DENND1A: variants seen among roughly 807,000 people sequenced by gnomAD.
DENND1A encodes DENN domain-containing protein 1A.
A neutral mutation model predicts 113.7 loss-of-function variants in DENND1A; 51 were observed. The ratio of observed to expected loss-of-function variants is 0.45; its 90% CI spans 0.36 to 0.57. The LOEUF (loss-of-function observed/expected upper bound fraction) is 0.57, where lower values mean the gene tolerates loss of function less well. Among genes scored for constraint, DENND1A ranks in the 20% least tolerant of loss-of-function variants. DENND1A has a pLI of 0.00. For synonymous variants in DENND1A, 565 were observed against 570.8 expected (o/e 0.99, Z 0.14); for missense variants, 1,258 against 1,395.9 (o/e 0.90, Z 1.57).
Position 123,677,125 on chromosome 9 carries a change from G to A in DENND1A, c.303-336C>T, listed in dbSNP as rs150234185. On this transcript the variant is annotated intron_variant, in intron 5 of 23. Coordinates refer to ENST00000394215, the MANE Select transcript of DENND1A (RefSeq NM_001352964.2). Reference sequence around the variant, plus strand: ...CTCCCAGCACACCCACCCTTTCCAGGAAAGCTTCTATTCAGTTTCTCATGA... The same window carrying A: ...CTCCCAGCACACCCACCCTTTCCAGAAAAGCTTCTATTCAGTTTCTCATGA... 6.7e-4 allele frequency among the ~76,000 whole-genome samples: 102 copies of A among 152,180 alleles called. No homozygotes were observed. The East Asian group carries it at 0.019, about 28-fold the overall frequency.
chr9:123,906,281 C>T (rs1339200346), intron 1 of DENND1A, among the ~76,000 whole-genome samples: 6 of 137,280 alleles, frequency 4.4e-5, no homozygotes, highest in Non-Finnish European at 9.0e-5. Context: ...GACACCCTAA[C>T]ATCACAATTA....
chr9:123,882,908 G>C (rs1447247635), intron 1 of DENND1A, among the ~76,000 whole-genome samples: 1 of 152,150 alleles, frequency 6.6e-6, no homozygotes, highest in African/African-American at 2.4e-5. Context: ...AACAGAAAAA[G>C]AAGGTGGCAG....
In DENND1A at chr9:123,738,443, CTGTGTG is replaced by C. The variant is rs59851560; in HGVS notation, c.302+19254_302+19259del. On this transcript the variant is annotated intron_variant, in intron 5 of 23. Coordinates refer to ENST00000394215, the MANE Select transcript of DENND1A (RefSeq NM_001352964.2). ...TGAAAAACTGCCGTGTCAACAGCTT[CTGTGTG>C]TGTGTGTGTGTGTGTGTGTGTGTGT... 3.3e-3 allele frequency among the ~76,000 whole-genome samples: 469 copies of C among 143,432 alleles called. 1 individual carries two copies. The highest frequency in any genetic ancestry group is 6.4e-3 in the South Asian group (28 of 4,380). 94.1% of individuals were successfully genotyped at this position (143,432 alleles called of 152,430 possible).
At chr9:123,871,129 G>C (rs1479064681) in intron 2 of DENND1A, among the ~76,000 whole-genome samples, 4 of 152,028 alleles carry the variant, frequency 2.6e-5, no homozygotes, top group Admixed American at 6.6e-5. Context: ...TGTTGCCTGG[G>C]CTATAGTGCA....
chr9:123,917,596 C>A (rs1855393551), intron 1 of DENND1A, among the ~76,000 whole-genome samples: 1 of 152,056 alleles, frequency 6.6e-6, no homozygotes, highest in Non-Finnish European at 1.5e-5. Context: ...CACACATATT[C>A]CCAAATTCTG....
intron 2 of DENND1A, among the ~76,000 whole-genome samples, chr9:123,799,633 T>A (rs1016751536): frequency 1.3e-5 from 2 of 152,224 alleles, no homozygotes; most frequent in African/African-American, 4.8e-5. Context: ...TTCTGAAGCA[T>A]ATACAATATA....
At chr9:123,676,597 T>G in intron 6 of DENND1A, 123 bp downstream of exon 6, 2 of 827,100 alleles carry the variant, frequency 2.4e-6, no homozygotes. Context: ...TTTTCTGAAT[T>G]TCCCAAAATT....
At chr9:123,605,918 G>A (rs185550390) in intron 11 of DENND1A, among the ~76,000 whole-genome samples, 11 of 152,266 alleles carry the variant, frequency 7.2e-5, no homozygotes, top group African/African-American at 2.6e-4. Context: ...GGCATAATAA[G>A]GTGCCTATAG....
At chr9:123,928,099 G>A (rs1359543603) in intron 1 of DENND1A, among the ~76,000 whole-genome samples, 8 of 152,112 alleles carry the variant, frequency 5.3e-5, no homozygotes, top group African/African-American at 1.7e-4. Flanking sequence ...CTCATTTCAC[G>A]CTTAATACAA....
chr9:123,440,324 A>T, intron 19 of DENND1A, 36 bp downstream of exon 19: 1 of 1,570,738 alleles, frequency 6.4e-7, no homozygotes, highest in South Asian at 1.2e-5. Context: ...ATAAAAAAAA[A>T]ACAAAACAGA....
chr9:123,652,137 G>GCC lies in DENND1A; in HGVS notation c.508-15_508-14insGG. The GCC allele has an allele frequency of 6.2e-7, 1 of 1,608,526 alleles. No homozygotes were observed. The highest frequency in any genetic ancestry group is 8.5e-7 in the Non-Finnish European group (1 of 1,175,078). On this transcript the variant is annotated splice_polypyrimidine_tract_variant and intron_variant, in intron 8 of 23. Coordinates refer to ENST00000394215, the MANE Select transcript of DENND1A (RefSeq NM_001352964.2). ...TGTCAGATTTCTCTAGGAGAAAGAAGAAGGCACGGTTTGTGGCTGATTTTC... is the reference window on the plus strand; with the variant it reads ...TGTCAGATTTCTCTAGGAGAAAGAAGCCAAGGCACGGTTTGTGGCTGATTTTC...
chr9:123,880,902 T>C (rs1436641011), intron 1 of DENND1A, among the ~76,000 whole-genome samples: 1 of 152,182 alleles, frequency 6.6e-6, no homozygotes, highest in Non-Finnish European at 1.5e-5. Context: ...AAATAAAGGC[T>C]TATATTATAA....
intron 13 of DENND1A, among the ~76,000 whole-genome samples, chr9:123,556,881 G>A (rs868213985): frequency 6.6e-6 from 1 of 152,236 alleles, no homozygotes; most frequent in Non-Finnish European, 1.5e-5. Context: ...TACTGCCCTT[G>A]GTTTCAGAGA....
chr9:123,899,451 A>C (rs1851266307), intron 1 of DENND1A, among the ~76,000 whole-genome samples: 1 of 152,196 alleles, frequency 6.6e-6, no homozygotes, highest in African/African-American at 2.4e-5. Flanking sequence ...GAAGCTAGAC[A>C]AAGGTGCCAA....
chr9:123,411,908 G>A, intron 19 of DENND1A, 79 bp from the exon 20 acceptor site: 1 of 944,796 alleles, frequency 1.1e-6, no homozygotes, highest in Non-Finnish European at 1.3e-6. Flanking sequence ...CTGGAGGAAG[G>A]CACCCAGTCA....
intron 1 of DENND1A, among the ~76,000 whole-genome samples, chr9:123,894,197 T>C (rs1850357057): frequency 6.6e-6 from 1 of 152,218 alleles, no homozygotes; most frequent in African/African-American, 2.4e-5. Flanking sequence ...TGAAATTCCC[T>C]GAGGAGGAGA....
At chr9:123,533,909 C>A (rs2135416563) in intron 13 of DENND1A, among the ~76,000 whole-genome samples, 1 of 152,318 alleles carries the variant, frequency 6.6e-6, no homozygotes, top group South Asian at 2.1e-4. Flanking sequence ...AGTCATATTT[C>A]AAGATCCTTG....
At chr9:123,555,275 AC>A (rs1436907501) in intron 13 of DENND1A, among the ~76,000 whole-genome samples, 3 of 152,120 alleles carry the variant, frequency 2.0e-5, no homozygotes, top group African/African-American at 2.4e-5. Flanking sequence ...CCATCACTGT[AC>A]TACTGCTCAA....
chr9:123,815,599 T>C (rs1390385783), intron 2 of DENND1A, among the ~76,000 whole-genome samples: 2 of 152,180 alleles, frequency 1.3e-5, no homozygotes, highest in East Asian at 3.8e-4. Flanking sequence ...TTTAAAATGA[T>C]ATTCTCAATA....
Sources: gnomAD v4.1 joint callset for allele counts (sites outside exome capture counted in the v4.1 genomes callset) on GRCh38, gnomAD v4.1.1 for gene constraint, MANE v1.5 for transcripts, NCBI Gene and HGNC (gene_info 2026-07-23, HGNC 2026-07-21) for gene names.